PAFAH1B1: variants seen among roughly 807,000 people sequenced by gnomAD.
PAFAH1B1 encodes platelet-activating factor acetylhydrolase IB subunit beta.
Under a neutral mutation model 57.5 loss-of-function variants are expected in PAFAH1B1, and 2 were observed. The ratio of observed to expected loss-of-function variants is 0.03; its 90% CI spans 0.01 to 0.11. PAFAH1B1 has a LOEUF of 0.11. PAFAH1B1 is among the 10% of genes least tolerant of loss of function. The pLI is 1.00. For missense variants in PAFAH1B1, 257 were observed against 512.0 expected (o/e 0.50, Z 4.81); for synonymous variants, 152 against 169.6 (o/e 0.90, Z 0.81).
intron 2 of PAFAH1B1, 40 bp from the exon 3 acceptor site, chr17:2,665,332 G>T: frequency 9.5e-7 from 1 of 1,054,032 alleles, no homozygotes; most frequent in Non-Finnish European, 1.5e-6. Context: ...GAATAGAAAT[G>T]AGGTCTTTTT....
At chr17:2,665,202 GTTCTGGAGGCTTT>G (rs1311606741) in intron 2 of PAFAH1B1, among the ~76,000 whole-genome samples, 157 bp from the exon 3 acceptor site, 1 of 152,134 alleles carries the variant, frequency 6.6e-6, no homozygotes, top group Admixed American at 6.5e-5. Flanking sequence ...GGGGCTAAAA[GTTCTGGAGGCTTT>G]GCGGGGGTGT....
intron 2 of PAFAH1B1, among the ~76,000 whole-genome samples, chr17:2,663,343 C>G (rs1265063548): frequency 6.6e-6 from 1 of 152,070 alleles, no homozygotes; most frequent in Non-Finnish European, 1.5e-5. Context: ...CCAGAAGCAC[C>G]CTTTAGGCTG....
chr17:2,659,374 T>TAA, intron 2 of PAFAH1B1: 1 of 253,492 alleles, frequency 3.9e-6, no homozygotes, highest in Non-Finnish European at 8.1e-6. Flanking sequence ...CCGTCTCTGC[T>TAA]AAAAATGCAA....
At chr17:2,658,174 A>G (rs1204497039) in intron 2 of PAFAH1B1, among the ~76,000 whole-genome samples, 1 of 152,236 alleles carries the variant, frequency 6.6e-6, no homozygotes, top group Admixed American at 6.5e-5. Context: ...TCAGTCAATA[A>G]TATAGTAACT....
intron 2 of PAFAH1B1, among the ~76,000 whole-genome samples, chr17:2,655,055 CT>C: frequency 6.6e-6 from 1 of 151,598 alleles, no homozygotes; most frequent in South Asian, 2.1e-4. Flanking sequence ...CCGCATTGGC[CT>C]TTCAAAGTGC....
At chr17:2,681,085 G>A (rs1328884969) in intron 10 of PAFAH1B1, 5 of 153,342 alleles carry the variant, frequency 3.3e-5, no homozygotes, top group African/African-American at 1.2e-4. Context: ...GACCTCCTGG[G>A]AACAGGAGAC....
At chr17:2,595,789 T>C (rs781540204) in intron 1 of PAFAH1B1, among the ~76,000 whole-genome samples, 17 of 152,114 alleles carry the variant, frequency 1.1e-4, no homozygotes, top group Non-Finnish European at 2.2e-4. Context: ...CAGAAAGGAA[T>C]CCAATTTTTC....
chr17:2,677,827 C>T lies in PAFAH1B1; in HGVS notation c.1002+1221C>T, dbSNP rs574481482. Reference sequence around the variant, plus strand: ...GGAGATGGCACCACTGTACTCCAGCCTGGGCGACAGAGCGAGACTCCGCCT... The same window carrying T: ...GGAGATGGCACCACTGTACTCCAGCTTGGGCGACAGAGCGAGACTCCGCCT... On this transcript the variant is annotated intron_variant, in intron 9 of 10. Coordinates refer to ENST00000397195, the MANE Select transcript of PAFAH1B1 (RefSeq NM_000430.4). Among the ~76,000 whole-genome samples, 7 of 151,418 alleles carry T rather than the reference C, an allele frequency of 4.6e-5. No individual in the cohort carries two copies. In the South Asian group the frequency reaches 1.5e-3, roughly 32 times the overall value.
intron 1 of PAFAH1B1, among the ~76,000 whole-genome samples, chr17:2,611,516 C>T (rs1329037302): frequency 1.3e-5 from 2 of 151,640 alleles, no homozygotes; most frequent in African/African-American, 4.8e-5. Flanking sequence ...AAAAGGGGTC[C>T]AGGACACAGC....
intron 2 of PAFAH1B1, chr17:2,642,071 C>G (rs1451700915): frequency 1.3e-5 from 2 of 152,190 alleles, no homozygotes; most frequent in Non-Finnish European, 2.9e-5. Context: ...TGTCCACATA[C>G]TTAACTTTAG....
At chr17:2,630,969 C>A (rs912316285) in intron 1 of PAFAH1B1, among the ~76,000 whole-genome samples, 2 of 152,192 alleles carry the variant, frequency 1.3e-5, no homozygotes, top group African/African-American at 2.4e-5. Context: ...AGGCTGGGCG[C>A]GGTGGCCCAC....
At chr17:2,678,459 G>A (rs1358858672) in intron 9 of PAFAH1B1, among the ~76,000 whole-genome samples, 1 of 150,982 alleles carries the variant, frequency 6.6e-6, no homozygotes, top group Admixed American at 6.6e-5. Flanking sequence ...CCAGCTACTC[G>A]GGAGGCTGAG....
chr17:2,619,774 T>G (rs2068394536), intron 1 of PAFAH1B1, among the ~76,000 whole-genome samples: 1 of 152,164 alleles, frequency 6.6e-6, no homozygotes, highest in South Asian at 2.1e-4. Flanking sequence ...AGGGAGACTT[T>G]GTGAACATCA....
chr17:2,635,666 C>G (rs1310414529), intron 1 of PAFAH1B1, among the ~76,000 whole-genome samples: 3 of 152,244 alleles, frequency 2.0e-5, no homozygotes, highest in Non-Finnish European at 1.5e-5. Context: ...ATGTACTACA[C>G]TGTCATTATT....
intron 1 of PAFAH1B1, chr17:2,613,736 TC>T: frequency 3.4e-6 from 1 of 297,556 alleles, no homozygotes; most frequent in South Asian, 4.7e-5. Context: ...TGGGGCCTCC[TC>T]CCCATCCACA....
At chr17:2,660,452 G>T (rs917985331) in intron 2 of PAFAH1B1, among the ~76,000 whole-genome samples, 11 of 152,008 alleles carry the variant, frequency 7.2e-5, no homozygotes, top group African/African-American at 2.7e-4. Flanking sequence ...CCTCCCTGTG[G>T]TCCATGTGTT....
chr17:2,647,029 C>T (rs1469245832), intron 2 of PAFAH1B1, among the ~76,000 whole-genome samples: 1 of 151,920 alleles, frequency 6.6e-6, no homozygotes, highest in Non-Finnish European at 1.5e-5. Context: ...TCCAGCCTAG[C>T]CAACATGGCA....
chr17:2,635,869 G>C (rs927258239), intron 1 of PAFAH1B1, among the ~76,000 whole-genome samples: 1 of 150,364 alleles, frequency 6.7e-6, no homozygotes, highest in African/African-American at 2.5e-5. Flanking sequence ...GGGAGGCCAA[G>C]CCAGGAGGAT....
chr17:2,627,456 A>G (rs546765524), intron 1 of PAFAH1B1, among the ~76,000 whole-genome samples: 5 of 152,112 alleles, frequency 3.3e-5, no homozygotes, highest in African/African-American at 1.2e-4. Context: ...CTATGTGCCT[A>G]TTTTTTACCA....
Sources: gnomAD v4.1 joint callset for allele counts (sites outside exome capture counted in the v4.1 genomes callset) on GRCh38, gnomAD v4.1.1 for gene constraint, MANE v1.5 for transcripts, NCBI Gene and HGNC (gene_info 2026-07-23, HGNC 2026-07-21) for gene names.